ASIC2: variants seen among roughly 807,000 people sequenced by gnomAD.
The protein encoded by ASIC2 is acid-sensing ion channel 2.
A neutral mutation model predicts 57.3 loss-of-function variants in ASIC2; 25 were observed. The observed-to-expected ratio is 0.44, with a 90% CI of 0.32 to 0.61. The LOEUF is 0.61. ASIC2 is among the 20% of genes least tolerant of loss of function. The probability of loss-of-function intolerance (pLI) is 0.06; values close to 1 mark genes in which losing one functional copy is unlikely to be tolerated. For synonymous variants in ASIC2, 319 were observed against 307.5 expected (o/e 1.04, Z -0.39); for missense variants, 641 against 738.1 (o/e 0.87, Z 1.52).
intron 1 of ASIC2, among the ~76,000 whole-genome samples, chr17:33,457,561 A>G (rs1284257977): frequency 6.7e-6 from 1 of 149,346 alleles, no homozygotes; most frequent in Non-Finnish European, 1.5e-5. Flanking sequence ...AAAAATGAAC[A>G]AGACAAAGTC....
At chr17:33,091,306 A>G (rs2092156694) in intron 2 of ASIC2, among the ~76,000 whole-genome samples, 1 of 152,042 alleles carries the variant, frequency 6.6e-6, no homozygotes, top group Admixed American at 6.5e-5. Context: ...TGAAAAACAG[A>G]CTCAGATGGG....
intron 1 of ASIC2, among the ~76,000 whole-genome samples, chr17:33,696,506 C>T (rs940676636): frequency 2.0e-5 from 3 of 152,094 alleles, no homozygotes; most frequent in African/African-American, 4.8e-5. Flanking sequence ...CAAAGAAGAC[C>T]GAGGGAGGAT....
intron 1 of ASIC2, among the ~76,000 whole-genome samples, chr17:33,357,549 G>C (rs1336097061): frequency 6.6e-6 from 1 of 152,080 alleles, no homozygotes; most frequent in Non-Finnish European, 1.5e-5. Flanking sequence ...CACCTTTCCT[G>C]CCTTCTTTCT....
At chr17:33,380,943 G>A (rs1344802414) in intron 1 of ASIC2, among the ~76,000 whole-genome samples, 1 of 152,152 alleles carries the variant, frequency 6.6e-6, no homozygotes, top group Non-Finnish European at 1.5e-5. Context: ...CTGCACACTT[G>A]CCTAGAATTG....
At chr17:33,520,426 T>G (rs1914704245) in intron 1 of ASIC2, among the ~76,000 whole-genome samples, 1 of 152,206 alleles carries the variant, frequency 6.6e-6, no homozygotes, top group South Asian at 2.1e-4. Context: ...CCTGGTCCAG[T>G]GGTTAACTGG....
At chr17:33,703,746 C>T (rs1235746588) in intron 1 of ASIC2, among the ~76,000 whole-genome samples, 18 of 152,110 alleles carry the variant, frequency 1.2e-4, no homozygotes, top group Admixed American at 1.2e-3. Flanking sequence ...TTAGCCTGTC[C>T]ATGCCCTCAA....
chr17:33,881,188 T>C (rs758924002), intron 1 of ASIC2, among the ~76,000 whole-genome samples: 13 of 152,206 alleles, frequency 8.5e-5, no homozygotes, highest in Non-Finnish European at 4.4e-5. Flanking sequence ...GCATTCCCTT[T>C]GAAAACTGGC....
Position 34,088,445 on chromosome 17 carries a change from G to A in ASIC2, c.555+67533C>T, listed in dbSNP as rs373403302. On this transcript the variant is annotated intron_variant, in intron 1 of 9. Coordinates refer to the ASIC2 transcript ENST00000359872. ...ACCCGGCCGTGTGAAGTGTCAGTCT[G>A]CCCCTACTGGGGAGTGCCTCCCAGT... Among the ~76,000 whole-genome samples the A allele has an allele frequency of 9.8e-5, 15 of 152,308 alleles. No homozygotes were observed. The East Asian group carries it at 2.7e-3, about 27-fold the overall frequency.
intron 1 of ASIC2, among the ~76,000 whole-genome samples, chr17:33,788,312 A>G (rs1911665675): frequency 6.6e-6 from 1 of 152,228 alleles, no homozygotes; most frequent in African/African-American, 2.4e-5. Context: ...AAAGCTCAAC[A>G]TCACTCATCA....
At chr17:33,661,006 A>G (rs569951867) in intron 1 of ASIC2, among the ~76,000 whole-genome samples, 2 of 151,986 alleles carry the variant, frequency 1.3e-5, no homozygotes, top group South Asian at 2.1e-4. Context: ...GCCCTTCACT[A>G]TCCGGTCTGT....
chr17:33,449,607 G>T (rs1413440019), intron 1 of ASIC2, among the ~76,000 whole-genome samples: 1 of 151,972 alleles, frequency 6.6e-6, no homozygotes, highest in Non-Finnish European at 1.5e-5. Flanking sequence ...TAATGTTCTA[G>T]GTAACTGAAA....
At chr17:33,694,346 G>A (rs1298567668) in intron 1 of ASIC2, among the ~76,000 whole-genome samples, 2 of 152,294 alleles carry the variant, frequency 1.3e-5, no homozygotes, top group Admixed American at 1.3e-4. Context: ...CCTGGGACGG[G>A]AGCACCGTCA....
intron 1 of ASIC2, among the ~76,000 whole-genome samples, chr17:33,199,223 G>A (rs1243976885): frequency 6.6e-6 from 1 of 152,150 alleles, no homozygotes; most frequent in African/African-American, 2.4e-5. Flanking sequence ...CATTCTAAAT[G>A]CTTCCTGCTA....
At chr17:33,855,636 T>TGATGGGGATGATGATGGTGATGAC (rs1913904062) in intron 1 of ASIC2, among the ~76,000 whole-genome samples, 1 of 152,070 alleles carries the variant, frequency 6.6e-6, no homozygotes, top group African/African-American at 2.4e-5. Context: ...ATGATGCTGA[T>TGATGGGGATGATGATGGTGATGAC]GATGGGGATG....
intron 1 of ASIC2, among the ~76,000 whole-genome samples, chr17:33,935,086 G>A (rs1289647202): frequency 3.3e-5 from 5 of 152,326 alleles, no homozygotes; most frequent in East Asian, 1.9e-4. Context: ...AGCCTCAAGC[G>A]CCAGCCATGC....
At chr17:33,020,196 T>C (rs572441376) in intron 7 of ASIC2, among the ~76,000 whole-genome samples, 50 of 152,288 alleles carry the variant, frequency 3.3e-4, no homozygotes, top group Non-Finnish European at 4.6e-4. Context: ...GTCCCTGGCA[T>C]AGTGATTGTC....
intron 1 of ASIC2, among the ~76,000 whole-genome samples, chr17:33,339,647 C>T (rs143610423): frequency 6.6e-6 from 1 of 152,254 alleles, no homozygotes; most frequent in East Asian, 1.9e-4. Context: ...CCTTTTCTTC[C>T]CTCATGCCAG....
At chr17:33,189,957 C>T (rs756669908) in intron 1 of ASIC2, among the ~76,000 whole-genome samples, 6 of 152,060 alleles carry the variant, frequency 3.9e-5, no homozygotes, top group East Asian at 3.9e-4. Context: ...TCTTCCCCTA[C>T]GATCAAGGCA....
intron 1 of ASIC2, among the ~76,000 whole-genome samples, chr17:33,929,059 C>T (rs1273274244): frequency 1.3e-5 from 2 of 152,066 alleles, no homozygotes; most frequent in African/African-American, 4.8e-5. Context: ...ACTGCCTTAA[C>T]CAGGGTGCAC....
Sources: allele counts gnomAD v4.1 joint callset (sites outside exome capture counted in the v4.1 genomes callset), GRCh38; gene constraint gnomAD v4.1.1; transcripts MANE v1.5; gene names NCBI Gene and HGNC (gene_info 2026-07-23, HGNC 2026-07-21).